Variants in CHAF1A observed in about 807,000 individuals in gnomAD.
The protein encoded by CHAF1A is chromatin assembly factor 1 subunit A.
CHAF1A carries 5 observed loss-of-function variants against 93.2 expected under a neutral mutation model. That is an observed-to-expected ratio of 0.05 (90% CI 0.03 to 0.11). The LOEUF (loss-of-function observed/expected upper bound fraction) is 0.11, where lower values mean the gene tolerates loss of function less well. Among genes scored for constraint, CHAF1A ranks in the 10% least tolerant of loss-of-function variants. The pLI, the probability that CHAF1A is intolerant of heterozygous loss-of-function variation, is 1.00. For synonymous variants in CHAF1A, 504 were observed against 510.3 expected (o/e 0.99, Z 0.17); for missense variants, 1,102 against 1,259.9 (o/e 0.87, Z 1.90).
At chr19:4,408,852 TG>T (rs1422646296) in intron 2 of CHAF1A, 50 bp from the exon 3 acceptor site, 4 of 1,542,292 alleles carry the variant, frequency 2.6e-6, no homozygotes, top group Non-Finnish European at 3.5e-6. Flanking sequence ...AGCTCATGAG[TG>T]GTTGTAACTT....
At chr19:4,440,184 G>T (rs1157784757) in intron 13 of CHAF1A, among the ~76,000 whole-genome samples, 1 of 152,178 alleles carries the variant, frequency 6.6e-6, no homozygotes, top group Non-Finnish European at 1.5e-5. Context: ...ACTGAAATAA[G>T]TGTGGCTGTC....
chr19:4,426,410 C>T lies in CHAF1A; in HGVS notation c.1378-2254C>T, dbSNP rs527706550. Among the ~76,000 whole-genome samples, 557 of 152,004 alleles carry T rather than the reference C, an allele frequency of 3.7e-3. 2 individuals carry two copies. Among genetic ancestry groups the T allele is most frequent in the African/African-American group, 0.013 (523 of 41,454 alleles). ...GTCTCGATCTCCTGACCTTGTGATC[C>T]GCCCGCCTCGGCCTCCCAAAGGGCT... On this transcript the variant is annotated intron_variant, in intron 7 of 14. Transcript: ENST00000301280.
chr19:4,422,596 T>C lies in CHAF1A; in HGVS notation c.1048T>C (p.Leu350=), dbSNP rs1462474194. 6.3e-7 allele frequency: 1 copy of C among 1,575,146 alleles called. No individual in the cohort carries two copies. Among genetic ancestry groups the C allele is most frequent in the African/African-American group, 1.3e-5 (1 of 74,224 alleles). ...DQERLGKQLK[L]RAEREEKEKL... Reference sequence around the variant, plus strand: ...GGAGCGTCTGGGCAAGCAGCTCAAGTTACGTGCAGAAAGGGAAGAAAAGGA... The same window carrying C: ...GGAGCGTCTGGGCAAGCAGCTCAAGCTACGTGCAGAAAGGGAAGAAAAGGA... The change falls in exon 5 of 15, where the codon TTA becomes CTA. Residue 350 remains leucine, a synonymous_variant. Transcript: ENST00000301280. This position sits in a 1 kb window ranked among gnomAD's most constrained non-coding sequence, Gnocchi z 4.6.
intron 1 of CHAF1A, among the ~76,000 whole-genome samples, chr19:4,403,235 C>T (rs1381107580): frequency 2.0e-5 from 3 of 152,164 alleles, no homozygotes; most frequent in South Asian, 2.1e-4. Context: ...GGACCAGTAC[C>T]GATGCCGCTG....
In CHAF1A at chr19:4,408,993, G is replaced by T. The variant is rs773021866; in HGVS notation, c.194G>T (p.Ser65Ile). Residue 65 changes from serine (S) to isoleucine (I), a missense_variant, in exon 3 of 15, where the codon AGC (serine) becomes ATC (isoleucine). This residue lies in a region of CHAF1A where 379 missense variants were observed against 365.7 expected (regional missense o/e 1.04). Coordinates refer to ENST00000301280, the MANE Select transcript of CHAF1A (RefSeq NM_005483.3). ...CAGGGTACTTCTGTGCAAAGTAAAAGCCCCGATTTAGAGGCCTCTTTGGAC... is the reference window on the plus strand; with the variant it reads ...CAGGGTACTTCTGTGCAAAGTAAAATCCCCGATTTAGAGGCCTCTTTGGAC... Reference protein sequence around the residue: ...DDQGTSVQSKSPDLEASLDTL... With the variant: ...DDQGTSVQSKIPDLEASLDTL... The T allele has an allele frequency of 1.2e-6, 2 of 1,614,168 alleles. No individual in the cohort carries two copies.
At position 4,402,661 on chromosome 19, in the gene CHAF1A, C is replaced by T. The variant is rs1262594373; in HGVS notation, c.-102C>T. On this transcript the variant is annotated 5_prime_UTR_variant, in exon 1 of 15. Transcript: ENST00000301280. ...CCGCCAAATACGAGCGCGGCGGCCG[C>T]GGCGGCAGCAGCGGCGCGGGCGGGA... The T allele has an allele frequency of 1.6e-5, 12 of 767,458 alleles. No homozygotes were observed. The highest frequency in any genetic ancestry group is 6.3e-5 in the South Asian group (1 of 15,854). The allele number at this position is 767,458 out of a possible 1,614,324, so 47.5% of individuals were successfully genotyped here.
At chr19:4,442,096 T>C in intron 13 of CHAF1A, 149 bp from the exon 14 acceptor site, 1 of 637,074 alleles carries the variant, frequency 1.6e-6, no homozygotes, top group Admixed American at 2.5e-5. Context: ...TTGGACAGTT[T>C]GTTACCAAAT....
chr19:4,441,032 G>C (rs2145153207), intron 13 of CHAF1A, among the ~76,000 whole-genome samples: 1 of 147,028 alleles, frequency 6.8e-6, no homozygotes, highest in South Asian at 2.2e-4. Context: ...CAAAAATATC[G>C]TTGCGGCTGG....
At chr19:4,438,676 C>A (rs887761754) in intron 13 of CHAF1A, among the ~76,000 whole-genome samples, 10 of 151,316 alleles carry the variant, frequency 6.6e-5, no homozygotes, top group Non-Finnish European at 1.2e-4. Context: ...ATTATGTGAT[C>A]AAAATAAAAC....
chr19:4,428,590 C>G (rs902000576), intron 7 of CHAF1A, 74 bp from the exon 8 acceptor site: 1 of 1,312,488 alleles, frequency 7.6e-7, no homozygotes. Flanking sequence ...CCACCAGCAC[C>G]CTGCTGTGTG....
intron 3 of CHAF1A, 58 bp downstream of exon 3, chr19:4,409,817 C>G (rs1599638742): frequency 6.5e-7 from 1 of 1,536,202 alleles, no homozygotes; most frequent in East Asian, 2.3e-5. Flanking sequence ...AGAGCGCTGT[C>G]AGTCTCCACT....
intron 7 of CHAF1A, among the ~76,000 whole-genome samples, chr19:4,425,981 A>C (rs1053571402): frequency 6.6e-6 from 1 of 152,026 alleles, no homozygotes; most frequent in Non-Finnish European, 1.5e-5. Context: ...GGTGCAGTTG[A>C]GCATCTTTTT....
chr19:4,447,999 A>ACCT, downstream of CHAF1A: 2 of 512,806 alleles, frequency 3.9e-6, no homozygotes, highest in Non-Finnish European at 7.1e-6. Flanking sequence ...GGCAGCGTGG[A>ACCT]CCTCCAGGCC....
intron 14 of CHAF1A, 84 bp from the exon 15 acceptor site, chr19:4,442,841 C>T (rs977842659): frequency 9.8e-7 from 1 of 1,023,226 alleles, no homozygotes; most frequent in Non-Finnish European, 1.4e-6. Flanking sequence ...TGTTGCAGGC[C>T]CCATGAGGCA....
Position 4,422,774 on chromosome 19 carries a change from A to G in CHAF1A, c.1226A>G (p.Lys409Arg), listed in dbSNP as rs1974013627. The G allele has an allele frequency of 1.2e-6, 2 of 1,612,790 alleles. No homozygotes were observed. Among genetic ancestry groups the G allele is most frequent in the Non-Finnish European group, 1.7e-6 (2 of 1,179,854 alleles). The change falls in exon 5 of 15, where the codon AAG (lysine) becomes AGG (arginine). Residue 409 changes from lysine (K) to arginine (R), a missense_variant. Physicochemically the swap from Lys to Arg is conservative, Grantham distance 26 (BLOSUM62 2). Transcript: ENST00000301280. This position sits in a 1 kb window ranked among gnomAD's most constrained non-coding sequence, Gnocchi z 4.6. ...EKQRLKEERRKERQEALEAKL... is the reference protein window; with the variant it reads ...EKQRLKEERRRERQEALEAKL... ...CAGCGGCTCAAGGAGGAGCGGCGCA[A>G]GGAGAGACAGGAAGCCCTGGAGTGA...
Position 4,422,855 on chromosome 19 carries a change from C to T in CHAF1A, c.1247+60C>T. 3 of 1,493,328 alleles carry T rather than the reference C, an allele frequency of 2.0e-6. No individual in the cohort carries two copies. Among genetic ancestry groups the T allele is most frequent in the Non-Finnish European group, 2.8e-6 (3 of 1,079,154 alleles). 92.5% of individuals were successfully genotyped at this position (1,493,328 alleles called of 1,614,324 possible). On this transcript the variant is annotated intron_variant, in intron 5 of 14. Coordinates refer to ENST00000301280, the MANE Select transcript of CHAF1A (RefSeq NM_005483.3). This position sits in a 1 kb window ranked among gnomAD's most constrained non-coding sequence, Gnocchi z 4.6. ...CCCTGCTGCTGGATTCCGCTCCTGG[C>T]CACTCTGATGGGGCCTTTCCACTTC...
In CHAF1A at chr19:4,409,084, G is replaced by C. The variant is rs1973740229; in HGVS notation, c.285G>C (p.Lys95Asn). The C allele has an allele frequency of 8.7e-6, 14 of 1,614,070 alleles. No homozygotes were observed. The highest frequency in any genetic ancestry group is 2.7e-5 in the African/African-American group (2 of 74,924). The change falls in exon 3 of 15, where the codon AAG becomes AAC. Residue 95 changes from lysine (K) to asparagine (N), a missense_variant. Physicochemically the swap from Lys to Asn is moderately conservative, Grantham distance 94. Coordinates refer to ENST00000301280, the MANE Select transcript of CHAF1A (RefSeq NM_005483.3). ...TTAGACCGAAACTTGTCAACGGGAA[G>C]GGTCCCTTAGATAACTTTTTAAGAA... ...IDFRPKLVNG[K>N]GPLDNFLRNR...
At chr19:4,409,839 G>T in intron 3 of CHAF1A, 80 bp downstream of exon 3, 1 of 1,497,926 alleles carries the variant, frequency 6.7e-7, no homozygotes. Flanking sequence ...GGTCACCCAG[G>T]TGTTTTGTGG....
chr19:4,434,999 A>G (rs1490607187), intron 13 of CHAF1A, among the ~76,000 whole-genome samples: 1 of 151,746 alleles, frequency 6.6e-6, no homozygotes, highest in East Asian at 1.9e-4. Context: ...ACCCCTGGCC[A>G]TAGATCGGCT....
Sources: gnomAD v4.1 joint callset for allele counts (sites outside exome capture counted in the v4.1 genomes callset) on GRCh38, gnomAD v4.1.1 for gene constraint, gnomAD v4.1.1 regional missense constraint, Gnocchi (gnomAD v3.1) non-coding constraint, MANE v1.5 for transcripts, NCBI Gene and HGNC (gene_info 2026-07-23, HGNC 2026-07-21) for gene names.